INPP4B: variants seen among roughly 807,000 people sequenced by gnomAD.
INPP4B encodes inositol polyphosphate-4-phosphatase type II B.
In INPP4B, 55 loss-of-function variants were observed where a neutral mutation model predicts 122.5. The observed-to-expected ratio is 0.45, with a 90% CI of 0.36 to 0.56. The LOEUF is 0.56. Among genes scored for constraint, INPP4B ranks in the 20% least tolerant of loss-of-function variants. The pLI is 0.00. For missense variants in INPP4B, 1,000 were observed against 1,097.7 expected, an observed-to-expected ratio of 0.91 and a Z score of 1.26; for synonymous variants, 403 against 388.7, an observed-to-expected ratio of 1.04 and a Z score of -0.43.
At chr4:142,134,820 A>G (rs1193756134) in intron 18 of INPP4B, among the ~76,000 whole-genome samples, 1 of 151,172 alleles carries the variant, frequency 6.6e-6, no homozygotes, top group East Asian at 1.9e-4. Context: ...AAAAAAAAAA[A>G]AAAGTTGTTT....
chr4:142,081,239 C>T (rs1476110331), intron 25 of INPP4B, among the ~76,000 whole-genome samples: 1 of 152,168 alleles, frequency 6.6e-6, no homozygotes, highest in Non-Finnish European at 1.5e-5. Context: ...TTTCTGGGAA[C>T]CCAGAGCCTG....
intron 7 of INPP4B, among the ~76,000 whole-genome samples, chr4:142,393,612 T>G (rs1373742744): frequency 6.6e-6 from 1 of 152,226 alleles, no homozygotes; most frequent in Non-Finnish European, 1.5e-5. Context: ...AAATACGGCC[T>G]GAGAAGAACT....
chr4:142,606,392 G>A (rs998288528), intron 2 of INPP4B, among the ~76,000 whole-genome samples: 6 of 151,660 alleles, frequency 4.0e-5, no homozygotes, highest in African/African-American at 1.5e-4. Context: ...CTAGAAGAGA[G>A]GACTTGAAAC....
chr4:142,800,768 T>C (rs1213354875), intron 1 of INPP4B, among the ~76,000 whole-genome samples: 2 of 152,188 alleles, frequency 1.3e-5, no homozygotes. Flanking sequence ...GGATCCCTTT[T>C]AGTATTTCCT....
At chr4:142,562,744 AAG>A (rs1198442261) in intron 2 of INPP4B, among the ~76,000 whole-genome samples, 1 of 152,212 alleles carries the variant, frequency 6.6e-6, no homozygotes, top group East Asian at 1.9e-4. Context: ...AAGAGAAATA[AAG>A]AGAAAATAAA....
intron 7 of INPP4B, among the ~76,000 whole-genome samples, chr4:142,345,821 G>A (rs753164593): frequency 2.7e-4 from 41 of 151,922 alleles, no homozygotes; most frequent in Non-Finnish European, 5.3e-4. Flanking sequence ...ATGCATGTAG[G>A]GCTGATAATT....
rs1319182103 is a variant in INPP4B, at chr4:142,188,514, A to ATATATAT, written c.1181+4572_1181+4573insATATATA. Among the ~76,000 whole-genome samples, 59 of 116,248 alleles carry ATATATAT rather than the reference A, an allele frequency of 5.1e-4. 1 individual carries two copies. Among genetic ancestry groups the ATATATAT allele is most frequent in the African/African-American group, 1.8e-3 (53 of 29,782 alleles). The allele number at this position is 116,248 out of a possible 152,430, so 76.3% of individuals were successfully genotyped here. A position where few individuals can be genotyped will look rare whatever the true frequency, so the allele number is the denominator to read the frequency against. ...AAAAAAAAAAAAAAAAAAAAAAGAA[A>ATATATAT]AAAAATATATATAGCTTGACTTATG... On this transcript the variant is annotated intron_variant, in intron 15 of 25. Transcript: ENST00000262992.
chr4:142,294,715 G>C (rs1757823346), intron 9 of INPP4B, among the ~76,000 whole-genome samples: 1 of 151,002 alleles, frequency 6.6e-6, no homozygotes. Context: ...CCATAAATGA[G>C]GTAAGAAGAG....
intron 7 of INPP4B, 55 bp from the exon 8 acceptor site, chr4:142,314,817 C>T: frequency 3.6e-6 from 5 of 1,405,336 alleles, no homozygotes; most frequent in South Asian, 1.3e-5. Context: ...GTGCAGAAGC[C>T]TCGCACAGGT....
At chr4:142,046,375 G>A (rs570260894) in intron 25 of INPP4B, among the ~76,000 whole-genome samples, 1 of 152,184 alleles carries the variant, frequency 6.6e-6, no homozygotes, top group East Asian at 1.9e-4. Context: ...GTAAGTGCTG[G>A]CCCAGAGGAG....
Position 142,189,221 on chromosome 4 carries a change from A to G in INPP4B, c.1181+3866T>C, listed in dbSNP as rs1482967247. The stretch of plus-strand genomic sequence containing the variant: ...GTGTTGTTGTTTGCAGTGGTCTGTG[A>G]TTCTAGTGGGCAGCCAAGGTTGGTA... On this transcript the variant is annotated intron_variant, in intron 15 of 25. Coordinates refer to ENST00000262992, the MANE Select transcript of INPP4B (RefSeq NM_001101669.3). Among the ~76,000 whole-genome samples, 7 of 152,202 alleles carry G rather than the reference A, an allele frequency of 4.6e-5. No homozygotes were observed. The South Asian group carries it at 1.0e-3, about 22-fold the overall frequency.
intron 7 of INPP4B, among the ~76,000 whole-genome samples, chr4:142,354,787 A>G (rs1783032112): frequency 6.6e-6 from 1 of 152,040 alleles, no homozygotes; most frequent in African/African-American, 2.4e-5. Context: ...GCCTTCGCAT[A>G]TTCCAGAGAT....
chr4:142,303,915 T>A (rs1282719793), intron 9 of INPP4B, among the ~76,000 whole-genome samples: 1 of 152,132 alleles, frequency 6.6e-6, no homozygotes, highest in Non-Finnish European at 1.5e-5. Flanking sequence ...TAAGGTACTG[T>A]GTGTTCACTA....
chr4:142,169,651 T>C (rs564750017), intron 16 of INPP4B, among the ~76,000 whole-genome samples: 39 of 151,730 alleles, frequency 2.6e-4, no homozygotes, highest in Admixed American at 8.6e-4. Context: ...CAGTAGGAAT[T>C]ATAAGCTATG....
chr4:142,169,204 A>T (rs1824327643), intron 16 of INPP4B, among the ~76,000 whole-genome samples: 1 of 151,680 alleles, frequency 6.6e-6, no homozygotes, highest in Non-Finnish European at 1.5e-5. Context: ...TATTTCACCA[A>T]TTAAATAATT....
At chr4:142,575,147 G>A (rs1325104706) in intron 2 of INPP4B, among the ~76,000 whole-genome samples, 1 of 151,806 alleles carries the variant, frequency 6.6e-6, no homozygotes, top group African/African-American at 2.4e-5. Flanking sequence ...TGTTAACCAC[G>A]TTATTTGGCT....
Position 142,178,977 on chromosome 4 carries a change from G to T in INPP4B, c.1182-5168C>A, listed in dbSNP as rs1456369786. Among the ~76,000 whole-genome samples, 3 of 152,098 alleles carry T rather than the reference G, an allele frequency of 2.0e-5. No homozygotes were observed. The East Asian group carries it at 5.8e-4, about 29-fold the overall frequency. ...TAAATATACCCTTCTGGTCTCACAGGGTTTAATAACGGGCTTCATGCCTCT... is the reference window on the plus strand; with the variant it reads ...TAAATATACCCTTCTGGTCTCACAGTGTTTAATAACGGGCTTCATGCCTCT... On this transcript the variant is annotated intron_variant, in intron 15 of 25. Transcript: ENST00000262992.
At chr4:142,541,947 A>T (rs1828996044) in intron 2 of INPP4B, among the ~76,000 whole-genome samples, 1 of 152,158 alleles carries the variant, frequency 6.6e-6, no homozygotes, top group Admixed American at 6.6e-5. Context: ...TTCTCCCGGC[A>T]AAACTCTCAA....
intron 2 of INPP4B, among the ~76,000 whole-genome samples, chr4:142,703,864 T>G (rs897874350): frequency 6.6e-6 from 1 of 152,182 alleles, no homozygotes; most frequent in African/African-American, 2.4e-5. Flanking sequence ...GAAGAGTGGC[T>G]GATTTCTGGA....
Sources: gnomAD v4.1 joint callset for allele counts (sites outside exome capture counted in the v4.1 genomes callset) on GRCh38, gnomAD v4.1.1 for gene constraint, MANE v1.5 for transcripts, NCBI Gene and HGNC (gene_info 2026-07-23, HGNC 2026-07-21) for gene names.